Variants in NOX3 observed in about 807,000 individuals in gnomAD.
NOX3 encodes the protein NADPH oxidase catalytic subunit-like 3.
A neutral mutation model predicts 76.7 loss-of-function variants in NOX3; 74 were observed. The observed-to-expected ratio is 0.96, with a 90% CI of 0.80 to 1.17. The LOEUF (loss-of-function observed/expected upper bound fraction) is 1.17. Ranked by LOEUF, NOX3 falls within the 50% of genes most tolerant of loss-of-function variation. The pLI is 0.00. For missense variants in NOX3, 695 were observed against 703.3 expected, an observed-to-expected ratio of 0.99 and a Z score of 0.13; for synonymous variants, 263 against 261.1, an observed-to-expected ratio of 1.01 and a Z score of -0.07.
chr6:155,399,365 GCCTGGTGTTCT>G (rs1395778435), intron 12 of NOX3, among the ~76,000 whole-genome samples: 1 of 152,140 alleles, frequency 6.6e-6, no homozygotes, highest in African/African-American at 2.4e-5. Context: ...GATTGCTGCT[GCCTGGTGTTCT>G]CCTGGTGTCC....
chr6:155,421,484 A>T (rs1420910107), intron 10 of NOX3, among the ~76,000 whole-genome samples: 1 of 152,148 alleles, frequency 6.6e-6, no homozygotes, highest in Non-Finnish European at 1.5e-5. Context: ...CGAATTCTTG[A>T]TAGGTGTTAG....
intron 10 of NOX3, among the ~76,000 whole-genome samples, chr6:155,416,194 C>G (rs967740901): frequency 1.3e-5 from 2 of 152,194 alleles, no homozygotes; most frequent in Non-Finnish European, 1.5e-5. Flanking sequence ...GGGCAGCACG[C>G]CTCTGTACCC....
chr6:155,435,526 T>G (rs936547392), intron 7 of NOX3, among the ~76,000 whole-genome samples: 8 of 50,726 alleles, frequency 1.6e-4, no homozygotes, highest in African/African-American at 9.3e-4. Flanking sequence ...ATTTGAGGGT[T>G]TTTTTTTTAA....
chr6:155,404,680 G>T (rs955513940), intron 12 of NOX3, among the ~76,000 whole-genome samples: 3 of 152,124 alleles, frequency 2.0e-5, no homozygotes, highest in African/African-American at 7.2e-5. Context: ...GGCTGAATGT[G>T]GGTCAGGAGT....
chr6:155,402,056 G>A (rs930658106), intron 12 of NOX3, among the ~76,000 whole-genome samples: 2 of 152,102 alleles, frequency 1.3e-5, no homozygotes, highest in Non-Finnish European at 2.9e-5. Context: ...TGTGACAACG[G>A]TATTTTTATT....
At chr6:155,438,470 T>C (rs764161186) in intron 6 of NOX3, among the ~76,000 whole-genome samples, 1 of 152,184 alleles carries the variant, frequency 6.6e-6, no homozygotes, top group Non-Finnish European at 1.5e-5. Flanking sequence ...AAATGCACCC[T>C]CAGGGGCACT....
chr6:155,433,169 A>G (rs780543877), intron 7 of NOX3, among the ~76,000 whole-genome samples: 41 of 152,152 alleles, frequency 2.7e-4, no homozygotes, highest in Non-Finnish European at 2.9e-4. Context: ...TTTTCTTTCC[A>G]TGGTTCAGGT....
At chr6:155,402,743 A>G (rs147991801) in intron 12 of NOX3, among the ~76,000 whole-genome samples, 19 of 152,318 alleles carry the variant, frequency 1.2e-4, no homozygotes, top group African/African-American at 4.3e-4. Context: ...AACAAGAACA[A>G]ACTCCAGCTT....
chr6:155,428,982 T>C lies in NOX3; in HGVS notation c.957A>G (p.Pro319=), dbSNP rs767677358. 6 of 1,612,726 alleles carry C rather than the reference T, an allele frequency of 3.7e-6. No individual in the cohort carries two copies. Among genetic ancestry groups the C allele is most frequent in the Admixed American group, 1.7e-5 (1 of 59,946 alleles). Residue 319 remains proline, a synonymous_variant, in exon 9 of 14, where the codon CCA becomes CCG. Transcript: ENST00000159060. ...GGCACTGCACCAAGATGTACTGCCC[T>C]GGCGCCATTTTAAAGCCACGCTTTT... is the stretch of plus-strand genomic sequence containing the variant. ...HMKKRGFKMA[P]GQYILVQCPA...
At chr6:155,404,355 C>T (rs1003444299) in intron 12 of NOX3, among the ~76,000 whole-genome samples, 2 of 151,994 alleles carry the variant, frequency 1.3e-5, no homozygotes, top group African/African-American at 2.4e-5. Context: ...TCAGAGGAAC[C>T]GGATTCTGTG....
intron 10 of NOX3, among the ~76,000 whole-genome samples, chr6:155,421,711 C>G (rs2235667): frequency 6.6e-6 from 1 of 151,820 alleles, no homozygotes; most frequent in Admixed American, 6.6e-5. Context: ...GCTGGTCTAG[C>G]GTCAAACTCC....
chr6:155,414,679 G>GTGCAA (rs1305650629), intron 10 of NOX3, among the ~76,000 whole-genome samples: 2 of 139,912 alleles, frequency 1.4e-5, no homozygotes, highest in Non-Finnish European at 3.0e-5. Flanking sequence ...CCAGGCTGGA[G>GTGCAA]TGCAATGGTG....
At chr6:155,430,508 T>G (rs944067944) in intron 8 of NOX3, among the ~76,000 whole-genome samples, 4 of 151,986 alleles carry the variant, frequency 2.6e-5, no homozygotes, top group African/African-American at 9.7e-5. Flanking sequence ...GAAGAAGTGA[T>G]TATCCTTCAA....
intron 9 of NOX3, among the ~76,000 whole-genome samples, chr6:155,424,480 G>T (rs1351199181): frequency 6.6e-6 from 1 of 152,194 alleles, no homozygotes; most frequent in Non-Finnish European, 1.5e-5. Context: ...CTAATTAAAA[G>T]GTTTCTGAGT....
In NOX3 at chr6:155,436,512, G is replaced by C; in HGVS notation, c.704C>G (p.Ser235Cys). ...TCTACAGAAGGTGATGTTGTGCAGAGAGAGACTGTCTTGGGTTTGGCCTCG... is the reference window on the plus strand; with the variant it reads ...TCTACAGAAGGTGATGTTGTGCAGACAGAGACTGTCTTGGGTTTGGCCTCG... ...IVRGQTQDSL[S>C]LHNITFCRDR... Residue 235 changes from serine to cysteine, a missense_variant, in exon 7 of 14, where the codon TCT (serine) becomes TGT (cysteine). Ser to Cys is a moderately radical substitution (Grantham distance 112). Coordinates refer to ENST00000159060, the MANE Select transcript of NOX3 (RefSeq NM_015718.3). 6.2e-7 allele frequency: 1 copy of C among 1,614,156 alleles called. No homozygotes were observed. Among genetic ancestry groups the C allele is most frequent in the Non-Finnish European group, 8.5e-7 (1 of 1,180,000 alleles).
intron 9 of NOX3, among the ~76,000 whole-genome samples, chr6:155,426,097 A>G (rs990516942): frequency 6.6e-6 from 1 of 152,242 alleles, no homozygotes; most frequent in Non-Finnish European, 1.5e-5. Flanking sequence ...AGGAAGTCCA[A>G]TAACATCCTG....
chr6:155,446,156 G>A (rs192542554), intron 4 of NOX3, among the ~76,000 whole-genome samples: 148 of 151,748 alleles, frequency 9.8e-4, no homozygotes, highest in Admixed American at 2.2e-3. Context: ...TAGCACCCAC[G>A]AAGTACTATG....
At chr6:155,422,065 T>C (rs2114689188) in intron 10 of NOX3, among the ~76,000 whole-genome samples, 1 of 152,334 alleles carries the variant, frequency 6.6e-6, no homozygotes. Context: ...CCTGCATTCA[T>C]ACGGCTTTGG....
intron 12 of NOX3, among the ~76,000 whole-genome samples, chr6:155,402,820 A>T (rs1182817136): frequency 6.6e-6 from 1 of 152,242 alleles, no homozygotes; most frequent in African/African-American, 2.4e-5. Context: ...GCTGATGAAT[A>T]GAAATGGTTG....
Sources: allele counts gnomAD v4.1 joint callset (sites outside exome capture counted in the v4.1 genomes callset), GRCh38; gene constraint gnomAD v4.1.1; transcripts MANE v1.5; gene names NCBI Gene and HGNC (gene_info 2026-07-23, HGNC 2026-07-21).